The following AP3B2 variants were observed in gnomAD, a reference collection of about 807,000 sequenced individuals.
The protein encoded by AP3B2 is adaptor related protein complex 3 subunit beta 2.
AP3B2 carries 50 observed loss-of-function variants against 126.9 expected under a neutral mutation model. That is an observed-to-expected ratio of 0.39 (90% CI 0.31 to 0.50). The LOEUF (loss-of-function observed/expected upper bound fraction) is 0.50. AP3B2 is among the 20% of genes least tolerant of loss of function. The probability of loss-of-function intolerance (pLI) is 0.79; values close to 1 mark genes in which losing one functional copy is unlikely to be tolerated. For synonymous variants in AP3B2, 541 were observed against 565.0 expected (o/e 0.96, Z 0.60); for missense variants, 1,177 against 1,426.4 (o/e 0.83, Z 2.82).
intron 1 of AP3B2, 104 bp downstream of exon 1, chr15:82,709,490 G>T (rs1378637242): frequency 9.1e-6 from 7 of 765,360 alleles, no homozygotes; most frequent in South Asian, 6.1e-5. Flanking sequence ...CGGCGCGGCC[G>T]GGGCGGGGCC....
Position 82,678,142 on chromosome 15 carries a change from T to C in AP3B2, c.1208A>G (p.Asn403Ser). The C allele has an allele frequency of 1.9e-6, 3 of 1,613,902 alleles. No homozygotes were observed. Among genetic ancestry groups the C allele is most frequent in the Non-Finnish European group, 2.5e-6 (3 of 1,179,862 alleles). Reference sequence around the variant, plus strand: ...TAGGACAGTAGGAATGTTGGTCTCATTGGCCAGGTTGGTCAGCACTTCCAG... The same window carrying C: ...TAGGACAGTAGGAATGTTGGTCTCACTGGCCAGGTTGGTCAGCACTTCCAG... ...LKLEVLTNLA[N>S]ETNIPTVLRE... Residue 403 changes from asparagine (N) to serine (S), a missense_variant, in exon 11 of 27, where the codon AAT becomes AGT. This residue lies in a region of AP3B2 where 308 missense variants were observed against 452.4 expected (regional missense o/e 0.68). Transcript: ENST00000535359.
In AP3B2 at chr15:82,674,519, C is replaced by T. The variant is rs80066453; in HGVS notation, c.1665+1942G>A. Among the ~76,000 whole-genome samples the T allele has an allele frequency of 8.6e-3, 1,317 of 152,298 alleles. 19 individuals carry two copies. The highest frequency in any genetic ancestry group is 0.029 in the African/African-American group (1,204 of 41,544). On this transcript the variant is annotated intron_variant, in intron 14 of 26. Coordinates refer to ENST00000535359, the MANE Select transcript of AP3B2 (RefSeq NM_001278512.2). The stretch of plus-strand genomic sequence containing the variant: ...AGGGGAGGGTTCAGCTGTATATACC[C>T]ACAGCTCGCTGTGCCAACCCTGATG...
intron 3 of AP3B2, 50 bp from the exon 4 acceptor site, chr15:82,688,881 G>GC (rs1160349384): frequency 6.6e-7 from 1 of 1,509,498 alleles, no homozygotes. Context: ...AGGCACCTGT[G>GC]CCCACCCCCC....
intron 1 of AP3B2, among the ~76,000 whole-genome samples, chr15:82,702,852 T>TA (rs1246935939): frequency 6.6e-6 from 1 of 152,152 alleles, no homozygotes; most frequent in Non-Finnish European, 1.5e-5. Context: ...TGCTTCATGA[T>TA]AAAGATCCAC....
At chr15:82,678,022 C>T in intron 11 of AP3B2, 83 bp downstream of exon 11, 1 of 1,506,680 alleles carries the variant, frequency 6.6e-7, no homozygotes, top group Non-Finnish European at 9.1e-7. Flanking sequence ...GCCTTGGGCT[C>T]ATAAGAGGAG....
At chr15:82,676,406 G>A in intron 14 of AP3B2, 55 bp downstream of exon 14, 1 of 1,580,066 alleles carries the variant, frequency 6.3e-7, no homozygotes, top group Non-Finnish European at 8.6e-7. Flanking sequence ...AAAGAATACT[G>A]TCTAGGGAGT....
chr15:82,662,366 C>A, intron 23 of AP3B2, 114 bp from the exon 24 acceptor site: 3 of 867,376 alleles, frequency 3.5e-6, no homozygotes, highest in Non-Finnish European at 5.5e-6. Flanking sequence ...CAGCCCTCTA[C>A]AGAATCTTGG....
intron 15 of AP3B2, among the ~76,000 whole-genome samples, chr15:82,666,466 T>C (rs924491766): frequency 3.9e-5 from 6 of 152,168 alleles, no homozygotes; most frequent in African/African-American, 1.4e-4. Context: ...TAGTGTCTGC[T>C]CAGGGAGGGA....
Position 82,689,149 on chromosome 15 carries a change from A to C in AP3B2, c.264+9T>G. The C allele has an allele frequency of 6.2e-7, 1 of 1,613,828 alleles. No individual in the cohort carries two copies. The highest frequency in any genetic ancestry group is 8.5e-7 in the Non-Finnish European group (1 of 1,179,746). ...GGGGACAAGCAATCCCTCACCAGGT[A>C]GTGCTCACCTCTATGTTCTTACAGG... On this transcript the variant is annotated intron_variant, in intron 3 of 26. Coordinates refer to ENST00000535359, the MANE Select transcript of AP3B2 (RefSeq NM_001278512.2).
chr15:82,692,247 T>C (rs1311844638), intron 1 of AP3B2: 1 of 962,170 alleles, frequency 1.0e-6, no homozygotes, highest in East Asian at 2.6e-5. Flanking sequence ...GTGCCCATTC[T>C]TAAGCTTGAT....
At position 82,681,497 on chromosome 15, in the gene AP3B2, T is replaced by C. The variant is rs2151441661; in HGVS notation, c.444A>G (p.Leu148=). Residue 148 remains leucine, a synonymous_variant, in exon 5 of 27, where the codon CTA becomes CTG. Transcript: ENST00000535359. This position sits in a 1 kb window ranked among gnomAD's most constrained non-coding sequence, Gnocchi z 4.0. ...TGTCCGAGGCGGCTTCCTTGATAGC[T>C]AGCATCATGATGGGCACTATGATGG... The part of the protein sequence containing the change: ...RVPIIVPIMM[L]AIKEAASDMS... 4 of 1,613,972 alleles carry C rather than the reference T, an allele frequency of 2.5e-6. No individual in the cohort carries two copies. Among genetic ancestry groups the C allele is most frequent in the Non-Finnish European group, 2.5e-6 (3 of 1,179,864 alleles).
chr15:82,683,047 GTTTTTTTTTTTTTTTTT>G (rs61213011), intron 4 of AP3B2, among the ~76,000 whole-genome samples: 7 of 77,716 alleles, frequency 9.0e-5, no homozygotes, highest in African/African-American at 2.7e-4. Flanking sequence ...TGCACCAGGA[GTTTTTTTTTTTTTTTTT>G]TTTTTTTTTT....
Position 82,709,723 on chromosome 15 carries a change from CT to C in AP3B2, c.-18del. The C allele has an allele frequency of 6.8e-7, 1 of 1,463,090 alleles. No individual in the cohort carries two copies. The highest frequency in any genetic ancestry group is 9.0e-7 in the Non-Finnish European group (1 of 1,105,674). 90.6% of individuals were successfully genotyped at this position (1,463,090 alleles called of 1,614,324 possible). On this transcript the variant is annotated 5_prime_UTR_variant, in exon 1 of 27. Transcript: ENST00000535359. ...GGCCGACATGGGGCGGCCAGGGAGA[CT>C]TCGCCGAGGAGGAGGTTGCGGGGCC...
chr15:82,693,704 C>T (rs1303761964), intron 1 of AP3B2, among the ~76,000 whole-genome samples: 4 of 152,074 alleles, frequency 2.6e-5, no homozygotes, highest in East Asian at 1.9e-4. Flanking sequence ...TTAATTGGTA[C>T]GTTTTTGTTT....
intron 14 of AP3B2, among the ~76,000 whole-genome samples, chr15:82,672,735 CTACT>C (rs2151435737): frequency 6.6e-6 from 1 of 152,230 alleles, no homozygotes; most frequent in African/African-American, 2.4e-5. Flanking sequence ...ATATATACAC[CTACT>C]ATGTACCCAT....
chr15:82,680,390 T>G lies in AP3B2; in HGVS notation c.1055+82A>C, dbSNP rs1050123438. The G allele has an allele frequency of 1.5e-6, 2 of 1,344,206 alleles. No homozygotes were observed. Among genetic ancestry groups the G allele is most frequent in the Non-Finnish European group, 1.9e-6 (2 of 1,039,564 alleles). The allele number at this position is 1,344,206 out of a possible 1,614,324, so 83.3% of individuals were successfully genotyped here. A position where few individuals can be genotyped will look rare whatever the true frequency, so the allele number is the denominator to read the frequency against. ...GGTGGGCAGAGGTGGAAGCGGCTGGTGGGCGTGAGGGGGCGGAGCCGGGCA... is the reference window on the plus strand; with the variant it reads ...GGTGGGCAGAGGTGGAAGCGGCTGGGGGGCGTGAGGGGGCGGAGCCGGGCA... On this transcript the variant is annotated intron_variant, in intron 8 of 26. Coordinates refer to ENST00000535359, the MANE Select transcript of AP3B2 (RefSeq NM_001278512.2). The surrounding 1 kb of genome is among the most constrained non-coding windows in gnomAD (Gnocchi z 6.1).
chr15:82,708,057 A>G (rs1344761214), intron 1 of AP3B2, among the ~76,000 whole-genome samples: 1 of 152,204 alleles, frequency 6.6e-6, no homozygotes, highest in African/African-American at 2.4e-5. Context: ...CTAAGCCATG[A>G]TATCCCCTGT....
Position 82,683,047 on chromosome 15 carries a change from GTTTTTT to G in AP3B2, c.361-1473_361-1468del, listed in dbSNP as rs61213011. Among the ~76,000 whole-genome samples, 19 of 77,724 alleles carry G rather than the reference GTTTTTT, an allele frequency of 2.4e-4. No individual in the cohort carries two copies. In the East Asian group the frequency reaches 3.0e-3, roughly 12 times the overall value. 51.0% of individuals were successfully genotyped at this position (77,724 alleles called of 152,430 possible). On this transcript the variant is annotated intron_variant, in intron 4 of 26. Transcript: ENST00000535359. ...AATGTTCACAGCATCTGCACCAGGA[GTTTTTT>G]TTTTTTTTTTTTTTTTTTTTTTTGT...
chr15:82,705,214 C>G (rs895245464), intron 1 of AP3B2, among the ~76,000 whole-genome samples: 23 of 152,096 alleles, frequency 1.5e-4, no homozygotes, highest in African/African-American at 5.6e-4. Flanking sequence ...ACCTAATCAC[C>G]CTTACCGTGC....
Sources: gnomAD v4.1 joint callset for allele counts (sites outside exome capture counted in the v4.1 genomes callset) on GRCh38, gnomAD v4.1.1 for gene constraint, gnomAD v4.1.1 regional missense constraint, Gnocchi (gnomAD v3.1) non-coding constraint, MANE v1.5 for transcripts, NCBI Gene and HGNC (gene_info 2026-07-23, HGNC 2026-07-21) for gene names.